AACS: variants seen among roughly 807,000 people sequenced by gnomAD.
AACS encodes the protein acetoacetyl-CoA synthetase.
A neutral mutation model predicts 83.1 loss-of-function variants in AACS; 69 were observed. The observed-to-expected ratio is 0.83, with a 90% CI of 0.68 to 1.01. The LOEUF is 1.01. AACS is among the 50% of genes least tolerant of loss of function. The pLI is 0.00. For missense variants in AACS, 866 were observed against 882.2 expected (o/e 0.98, Z 0.23); for synonymous variants, 333 against 343.4 (o/e 0.97, Z 0.33).
At chr12:125,103,252 T>A (rs1392178129) in intron 7 of AACS, among the ~76,000 whole-genome samples, 171 bp downstream of exon 7, 1 of 152,036 alleles carries the variant, frequency 6.6e-6, no homozygotes. Context: ...CCAGAGTGAA[T>A]CCCCCAAGGC....
intron 5 of AACS, among the ~76,000 whole-genome samples, chr12:125,098,065 A>G (rs1406589631): frequency 1.3e-5 from 2 of 151,670 alleles, no homozygotes; most frequent in Non-Finnish European, 2.9e-5. Context: ...TCACCTTTCT[A>G]CTATCCAGTA....
At chr12:125,073,605 C>T (rs572111210) in intron 1 of AACS, among the ~76,000 whole-genome samples, 11 of 152,302 alleles carry the variant, frequency 7.2e-5, no homozygotes, top group African/African-American at 2.2e-4. Context: ...GGCATTTGGG[C>T]TCTAGAGTCT....
intron 5 of AACS, among the ~76,000 whole-genome samples, chr12:125,096,567 C>T (rs1956612753): frequency 6.6e-6 from 1 of 152,072 alleles, no homozygotes; most frequent in African/African-American, 2.4e-5. Flanking sequence ...TGGAGGGAGC[C>T]AGGTGCAGGG....
chr12:125,068,234 A>C (rs895994377), intron 1 of AACS, among the ~76,000 whole-genome samples: 1 of 152,056 alleles, frequency 6.6e-6, no homozygotes, highest in Non-Finnish European at 1.5e-5. Flanking sequence ...AGATGGGTGG[A>C]TCTTTTGAGC....
chr12:125,116,973 C>G (rs1328973354), intron 9 of AACS, among the ~76,000 whole-genome samples: 1 of 151,760 alleles, frequency 6.6e-6, no homozygotes, highest in Non-Finnish European at 1.5e-5. Context: ...TTTTGACAGT[C>G]TCACTCTGTT....
Sources: gnomAD v4.1 joint callset for allele counts (sites outside exome capture counted in the v4.1 genomes callset) on GRCh38, gnomAD v4.1.1 for gene constraint, MANE v1.5 for transcripts, NCBI Gene and HGNC (gene_info 2026-07-23, HGNC 2026-07-21) for gene names.